Variants in SLC23A2 observed in about 807,000 individuals in gnomAD.
The protein encoded by SLC23A2 is Na(+)/L-ascorbic acid transporter 2.
Under a neutral mutation model 73.3 loss-of-function variants are expected in SLC23A2, and 36 were observed. That is an observed-to-expected ratio of 0.49 (90% CI 0.38 to 0.65). SLC23A2 has a LOEUF of 0.65. Ranked by LOEUF, SLC23A2 falls within the 30% of genes least tolerant of loss-of-function variation. The pLI, the probability that SLC23A2 is intolerant of heterozygous loss-of-function variation, is 0.00. For synonymous variants in SLC23A2, 343 were observed against 327.3 expected (o/e 1.05, Z -0.52); for missense variants, 507 against 841.6 (o/e 0.60, Z 4.92).
Position 4,991,943 on chromosome 20 carries a change from C to G in SLC23A2, c.-282+9463G>C, listed in dbSNP as rs148989765. Among the ~76,000 whole-genome samples, 455 of 151,962 alleles carry G rather than the reference C, an allele frequency of 3.0e-3. 2 individuals are homozygous for G. Among genetic ancestry groups the G allele is most frequent in the African/African-American group, 0.011 (448 of 41,454 alleles). ...TGGCCAACATGGTGAAACTCTGTCTCTACTAAGAATACAAAAATTAGCCAG... is the reference window on the plus strand; with the variant it reads ...TGGCCAACATGGTGAAACTCTGTCTGTACTAAGAATACAAAAATTAGCCAG... On this transcript the variant is annotated intron_variant, in intron 1 of 16. Transcript: ENST00000338244.
chr20:4,988,007 A>G (rs535813128), intron 1 of SLC23A2, among the ~76,000 whole-genome samples: 1 of 152,162 alleles, frequency 6.6e-6, no homozygotes, highest in African/African-American at 2.4e-5. Flanking sequence ...AAAAAAAAAA[A>G]AAAAAAGTTG....
chr20:4,962,144 T>TG (rs1177095079), intron 2 of SLC23A2, among the ~76,000 whole-genome samples: 1 of 104,598 alleles, frequency 9.6e-6, no homozygotes, highest in Non-Finnish European at 2.1e-5. Context: ...ATGATATTAT[T>TG]TTAAAAAAAA....
intron 2 of SLC23A2, among the ~76,000 whole-genome samples, chr20:4,934,511 CA>C (rs1348711939): frequency 6.6e-6 from 1 of 152,136 alleles, no homozygotes; most frequent in Non-Finnish European, 1.5e-5. Flanking sequence ...ATAGCAGAGA[CA>C]GCAAAGCCCA....
rs551302197 is a variant in SLC23A2 at position 4,944,275 on chromosome 20, C to T, written c.-154-11559G>A. ...TGTTTGTTGAGATGGAGTCTTGCTC[C>T]GTCGCCCAGGCTGGAGTGCAGTGGT... On this transcript the variant is annotated intron_variant, in intron 2 of 16. Transcript: ENST00000338244. Among the ~76,000 whole-genome samples the T allele has an allele frequency of 3.0e-4, 45 of 152,108 alleles. No homozygotes were observed. In the East Asian group the frequency reaches 4.8e-3, roughly 16 times the overall value.
intron 1 of SLC23A2, among the ~76,000 whole-genome samples, chr20:5,007,716 C>A: frequency 6.6e-6 from 1 of 152,024 alleles, no homozygotes; most frequent in East Asian, 1.9e-4. Flanking sequence ...AACCACTAAT[C>A]TTCACTCTCT....
intron 1 of SLC23A2, among the ~76,000 whole-genome samples, chr20:4,973,368 G>A (rs2087594449): frequency 6.6e-6 from 1 of 152,188 alleles, no homozygotes; most frequent in Non-Finnish European, 1.5e-5. Flanking sequence ...ACAAATCATT[G>A]GAAAATTCTG....
chr20:4,887,753 A>G (rs146546360), intron 6 of SLC23A2, among the ~76,000 whole-genome samples: 165 of 152,350 alleles, frequency 1.1e-3, no homozygotes, highest in Admixed American at 2.0e-3. Flanking sequence ...AGGGCTGCTC[A>G]TGCCAGCATT....
chr20:4,901,123 G>A (rs908062380), intron 5 of SLC23A2, among the ~76,000 whole-genome samples: 1 of 152,180 alleles, frequency 6.6e-6, no homozygotes, highest in Non-Finnish European at 1.5e-5. Context: ...GGTTCAGAAT[G>A]CTCAGCCCAA....
intron 2 of SLC23A2, among the ~76,000 whole-genome samples, chr20:4,966,553 ATAACT>A (rs1194793803): frequency 6.6e-6 from 1 of 152,174 alleles, no homozygotes; most frequent in Non-Finnish European, 1.5e-5. Context: ...TATCTCATTA[ATAACT>A]TTATATTGAT....
intron 2 of SLC23A2, among the ~76,000 whole-genome samples, chr20:4,953,110 AC>A (rs1353386943): frequency 1.3e-5 from 2 of 151,970 alleles, no homozygotes; most frequent in African/African-American, 4.8e-5. Flanking sequence ...AATCCAGACC[AC>A]CCTGTCCAAC....
In SLC23A2 at chr20:4,862,048, G is replaced by A. The variant is rs1439640009; in HGVS notation, c.1524C>T (p.Phe508=). The change falls in exon 15 of 17, where the codon TTC becomes TTT. Residue 508 remains phenylalanine (F), a synonymous_variant. Transcript: ENST00000338244. This position sits in a 1 kb window ranked among gnomAD's most constrained non-coding sequence, Gnocchi z 5.1. ...GGTTCCGGGAAGAATTTAAATCAAT[G>A]AACTGCAGGTTAGAGAGGCCAACAG... is the stretch of plus-strand genomic sequence containing the variant. ...ITAVGLSNLQ[F]IDLNSSRNLF... 2 of 1,614,020 alleles carry A rather than the reference G, an allele frequency of 1.2e-6. No homozygotes were observed. The highest frequency in any genetic ancestry group is 2.7e-5 in the African/African-American group (2 of 74,930).
At position 4,960,853 on chromosome 20, in the gene SLC23A2, T is replaced by C. The variant is rs540970508; in HGVS notation, c.-155+9940A>G. On this transcript the variant is annotated intron_variant, in intron 2 of 16. Coordinates refer to ENST00000338244, the MANE Select transcript of SLC23A2 (RefSeq NM_005116.6). ...AAATGACATGTTTAGATTTATTAGG[T>C]CTGGGTATCTAGCAGGTAAGTTTTC... Among the ~76,000 whole-genome samples, 180 of 152,326 alleles carry C rather than the reference T, an allele frequency of 1.2e-3. 1 individual carries two copies. The highest frequency in any genetic ancestry group is 4.3e-3 in the African/African-American group (179 of 41,580).
At chr20:4,884,887 T>C in intron 7 of SLC23A2, 64 bp from the exon 8 acceptor site, 1 of 951,332 alleles carries the variant, frequency 1.1e-6, no homozygotes, top group South Asian at 1.7e-5. Flanking sequence ...ATATTCATTT[T>C]ACCTTTTAAG....
At chr20:4,953,083 G>A (rs1030746698) in intron 2 of SLC23A2, among the ~76,000 whole-genome samples, 7 of 151,546 alleles carry the variant, frequency 4.6e-5, no homozygotes, top group Admixed American at 6.6e-5. Context: ...CGAGGCAGGC[G>A]GATCACAAGG....
intron 5 of SLC23A2, among the ~76,000 whole-genome samples, chr20:4,901,985 C>T (rs1229783159): frequency 2.6e-5 from 4 of 152,212 alleles, no homozygotes; most frequent in African/African-American, 9.6e-5. Flanking sequence ...TTCTTTTCTT[C>T]CTCCTGCTGT....
upstream of SLC23A2, among the ~76,000 whole-genome samples, chr20:5,002,090 G>A (rs867541272): frequency 5.3e-5 from 8 of 152,298 alleles, no homozygotes; most frequent in Middle Eastern, 3.4e-3. Flanking sequence ...CAGTGGCTCT[G>A]GGGTGCAGCC....
Position 4,883,099 on chromosome 20 carries a change from A to AC in SLC23A2, c.824+542dup, listed in dbSNP as rs1302419789. On this transcript the variant is annotated intron_variant, in intron 9 of 16. Transcript: ENST00000338244. The surrounding 1 kb of genome is among the most constrained non-coding windows in gnomAD (Gnocchi z 4.5). ...ATCTTTAATGGATGTGACATTCTGT[A>AC]CAAAAGGACAGGCACTGACTAGCAG... Among the ~76,000 whole-genome samples, 1 of 152,228 alleles carries AC rather than the reference A, an allele frequency of 6.6e-6. No homozygotes were observed.
chr20:4,879,408 CAAAAAAAAAAAA>C (rs111565515), intron 9 of SLC23A2, among the ~76,000 whole-genome samples: 2 of 43,008 alleles, frequency 4.7e-5, no homozygotes, highest in Admixed American at 3.1e-4. Context: ...AACTCTGTCT[CAAAAAAAAAAAA>C]AAAAAAAAAA....
rs142240793 is a variant in SLC23A2 at position 4,882,086 on chromosome 20, A to G, written c.824+1556T>C. 2.8e-3 allele frequency among the ~76,000 whole-genome samples: 425 copies of G among 152,276 alleles called. 4 individuals carry two copies. Among genetic ancestry groups the G allele is most frequent in the African/African-American group, 9.7e-3 (402 of 41,550 alleles). ...CTTTGGTGAAATGAGAATAGTAAGAACAATTTTGGGCTGGGCACGGTGGCT... is the reference window on the plus strand; with the variant it reads ...CTTTGGTGAAATGAGAATAGTAAGAGCAATTTTGGGCTGGGCACGGTGGCT... On this transcript the variant is annotated intron_variant, in intron 9 of 16. Transcript: ENST00000338244.
Sources: allele counts gnomAD v4.1 joint callset (sites outside exome capture counted in the v4.1 genomes callset), GRCh38; gene constraint gnomAD v4.1.1; non-coding constraint Gnocchi (gnomAD v3.1); transcripts MANE v1.5; gene names NCBI Gene and HGNC (gene_info 2026-07-23, HGNC 2026-07-21).